Variants in SHROOM1 observed in about 807,000 individuals in gnomAD.
SHROOM1 encodes shroom family member 1, also known as protein Shroom1.
In SHROOM1, 53 loss-of-function variants were observed where a neutral mutation model predicts 64.2. The ratio of observed to expected loss-of-function variants is 0.83; its 90% CI spans 0.66 to 1.04. SHROOM1 has a LOEUF of 1.04. SHROOM1 is among the 50% of genes least tolerant of loss of function. SHROOM1 has a pLI of 0.00. For synonymous variants in SHROOM1, 490 were observed against 518.9 expected, an observed-to-expected ratio of 0.94 and a Z score of 0.76; for missense variants, 1,179 against 1,163.2, an observed-to-expected ratio of 1.01 and a Z score of -0.20.
At position 132,830,248 on chromosome 5, in the gene SHROOM1, G is replaced by T. The variant is rs1303126391; in HGVS notation, c.-501+346C>A. On this transcript the variant is annotated intron_variant, in intron 1 of 9. Transcript: ENST00000378679. This position sits in a 1 kb window ranked among gnomAD's most constrained non-coding sequence, Gnocchi z 5.9. ...AAGGACCCGGCTTCTCCAGATGCTT[G>T]GCGACAAAGGGCAGGAGCGGAGGGT... 1 of 985,222 alleles carries T rather than the reference G, an allele frequency of 1.0e-6. No homozygotes were observed. Among genetic ancestry groups the T allele is most frequent in the Non-Finnish European group, 1.2e-6 (1 of 829,896 alleles). The allele number at this position is 985,222 out of a possible 1,614,324, so 61.0% of individuals were successfully genotyped here.
rs1758805422 is a variant in SHROOM1, at chr5:132,830,200, G to A, written c.-501+394C>T. 1.0e-6 allele frequency: 1 copy of A among 985,212 alleles called. No homozygotes were observed. The highest frequency in any genetic ancestry group is 1.7e-5 in the African/African-American group (1 of 57,224). 61.0% of individuals were successfully genotyped at this position (985,212 alleles called of 1,614,324 possible). ...ACCGTCGGGGAAGGATCGCGCGCAG[G>A]GGACAGCGCGAGCCCGGGAGGGAAG... On this transcript the variant is annotated intron_variant, in intron 1 of 9. Coordinates refer to ENST00000378679, the MANE Select transcript of SHROOM1 (RefSeq NM_001172700.2). The surrounding 1 kb of genome is among the most constrained non-coding windows in gnomAD (Gnocchi z 5.9).
rs970524591 is a variant in SHROOM1, at chr5:132,830,102, C to T, written c.-501+492G>A. The stretch of plus-strand genomic sequence containing the variant: ...AGGCCCCGGCGGCCGCAGGGGGCGG[C>T]AGAGACACGCGGAGCGGCTCGACAG... On this transcript the variant is annotated intron_variant, in intron 1 of 9. Transcript: ENST00000378679. This position sits in a 1 kb window ranked among gnomAD's most constrained non-coding sequence, Gnocchi z 5.9. 3.0e-6 allele frequency: 3 copies of T among 985,166 alleles called. No individual in the cohort carries two copies. The African/African-American group carries it at 5.2e-5, about 17-fold the overall frequency. The allele number at this position is 985,166 out of a possible 1,614,324, so 61.0% of individuals were successfully genotyped here. A position where few individuals can be genotyped will look rare whatever the true frequency, so the allele number is the denominator to read the frequency against.
rs1292586868 is a variant in SHROOM1 at position 132,824,619 on chromosome 5, C to T, written c.1237G>A (p.Ala413Thr). ...TTGGAAGCAAGAGGGAATTACCTGG[C>T]TGGGGGCCCCTGGGAGGCATGGGGG... ...PDPHASQGPP[A>T]SVHASDQPYG... is the part of the protein sequence containing the mutation. Residue 413 changes from alanine to threonine, a missense_variant, in exon 6 of 10, where the codon GCC becomes ACC. Transcript: ENST00000378679. The T allele has an allele frequency of 1.2e-6, 2 of 1,606,214 alleles. No individual in the cohort carries two copies. The highest frequency in any genetic ancestry group is 1.3e-5 in the African/African-American group (1 of 74,772).
rs1490759615 is a variant in SHROOM1, at chr5:132,823,443, G to T, written c.2033C>A (p.Ala678Glu). Reference sequence around the variant, plus strand: ...CAGAGCCGCTTGGCGCCTGGCCCACGCTTGTGCCTCCCCCTGCAGCCGCTC... The same window carrying T: ...CAGAGCCGCTTGGCGCCTGGCCCACTCTTGTGCCTCCCCCTGCAGCCGCTC... ...EQERLQGEAQ[A>E]WARRQAALEA... The change falls in exon 9 of 10, where the codon GCG becomes GAG. Residue 678 changes from alanine (A) to glutamate (E), a missense_variant. Transcript: ENST00000378679. This position sits in a 1 kb window ranked among gnomAD's most constrained non-coding sequence, Gnocchi z 4.6. 6.2e-7 allele frequency: 1 copy of T among 1,611,516 alleles called. No homozygotes were observed. The highest frequency in any genetic ancestry group is 1.7e-5 in the Admixed American group (1 of 59,994).
chr5:132,826,928 A>T (rs934566818), intron 2 of SHROOM1, among the ~76,000 whole-genome samples: 12 of 152,154 alleles, frequency 7.9e-5, no homozygotes, highest in African/African-American at 2.9e-4. Flanking sequence ...AAGGCAGTTT[A>T]CCATCCCTCC....
chr5:132,829,840 C>G lies in SHROOM1; in HGVS notation c.-501+754G>C, dbSNP rs185267043. ...CCCCAGCGTCCCCCGTTCTCCCAGC[C>G]TGTCCGCGCTGACAGCGCACCCCAC... On this transcript the variant is annotated intron_variant, in intron 1 of 9. Coordinates refer to ENST00000378679, the MANE Select transcript of SHROOM1 (RefSeq NM_001172700.2). The G allele has an allele frequency of 6.1e-6, 6 of 985,512 alleles. No homozygotes were observed. The Admixed American group carries it at 1.8e-4, about 30-fold the overall frequency. The allele number at this position is 985,512 out of a possible 1,614,324, so 61.0% of individuals were successfully genotyped here.
In SHROOM1 at chr5:132,822,642, CG is replaced by C. The variant is rs1561446246; in HGVS notation, c.*153del. The C allele has an allele frequency of 1.2e-6, 1 of 855,748 alleles. No homozygotes were observed. Among genetic ancestry groups the C allele is most frequent in the East Asian group, 2.7e-5 (1 of 36,706 alleles). 53.0% of individuals were successfully genotyped at this position (855,748 alleles called of 1,614,324 possible). ...CCTCCCAAAGTGCTGGGATTACAGG[CG>C]TGAGCCACCGCGCCCGGCTGGAGGA... On this transcript the variant is annotated 3_prime_UTR_variant, in exon 10 of 10. Coordinates refer to ENST00000378679, the MANE Select transcript of SHROOM1 (RefSeq NM_001172700.2).
At chr5:132,828,264 G>T (rs1178821045) in intron 1 of SHROOM1, among the ~76,000 whole-genome samples, 1 of 152,142 alleles carries the variant, frequency 6.6e-6, no homozygotes, top group East Asian at 1.9e-4. Flanking sequence ...AAAAGGGAAA[G>T]GCAGTACCTA....
Position 132,823,784 on chromosome 5 carries a change from T to C in SHROOM1, c.1812-20A>G. On this transcript the variant is annotated intron_variant, in intron 7 of 9. Coordinates refer to ENST00000378679, the MANE Select transcript of SHROOM1 (RefSeq NM_001172700.2). This position sits in a 1 kb window ranked among gnomAD's most constrained non-coding sequence, Gnocchi z 4.6. ...TAGGACCTGGGAACAAAACCAGAGC[T>C]CCCTGGGTTTCCTGTCCCCAACTTC... The C allele has an allele frequency of 1.3e-6, 2 of 1,539,050 alleles. No homozygotes were observed. Among genetic ancestry groups the C allele is most frequent in the South Asian group, 1.3e-5 (1 of 79,298 alleles).
In SHROOM1 at chr5:132,825,895, G is replaced by A. The variant is rs772306006; in HGVS notation, c.246C>T (p.Ser82=). The part of the protein sequence containing the change: ...PAPPDAALCT[S]PRPRPAVAAR... ...CTGCAACCGCGGGCCGGGGCCGCGG[G>A]GATGTGCAAAGGGCAGCGTCGGGCG... is the stretch of plus-strand genomic sequence containing the variant. Residue 82 remains serine (S), a synonymous_variant, in exon 4 of 10, where the codon TCC becomes TCT. Coordinates refer to ENST00000378679, the MANE Select transcript of SHROOM1 (RefSeq NM_001172700.2). The surrounding 1 kb of genome is among the most constrained non-coding windows in gnomAD (Gnocchi z 5.1). 28 of 1,315,272 alleles carry A rather than the reference G, an allele frequency of 2.1e-5. No individual in the cohort carries two copies. In the South Asian group the frequency reaches 3.5e-4, roughly 17 times the overall value. 81.5% of individuals were successfully genotyped at this position (1,315,272 alleles called of 1,614,324 possible).
intron 6 of SHROOM1, 44 bp downstream of exon 6, chr5:132,824,571 T>A: frequency 1.3e-6 from 2 of 1,571,714 alleles, no homozygotes; most frequent in Non-Finnish European, 1.7e-6. Flanking sequence ...TAGATGTGTG[T>A]GTCAGGGGGT....
chr5:132,823,216 C>T lies in SHROOM1; in HGVS notation c.2226+34G>A, dbSNP rs892302058. ...CAGCCGGAGACAGCAGGCCCCTCAC[C>T]GCCCTACTCGCTTGCAACCTGAACC... On this transcript the variant is annotated intron_variant, in intron 9 of 9. Coordinates refer to ENST00000378679, the MANE Select transcript of SHROOM1 (RefSeq NM_001172700.2). The surrounding 1 kb of genome is among the most constrained non-coding windows in gnomAD (Gnocchi z 4.6). 6.4e-7 allele frequency: 1 copy of T among 1,568,440 alleles called. No individual in the cohort carries two copies. The highest frequency in any genetic ancestry group is 2.2e-5 in the East Asian group (1 of 44,504).
At position 132,825,740 on chromosome 5, in the gene SHROOM1, G is replaced by A. The variant is rs1382080221; in HGVS notation, c.401C>T (p.Pro134Leu). 4 of 1,265,490 alleles carry A rather than the reference G, an allele frequency of 3.2e-6. No individual in the cohort carries two copies. The highest frequency in any genetic ancestry group is 4.0e-6 in the Non-Finnish European group (4 of 1,011,170). 78.4% of individuals were successfully genotyped at this position (1,265,490 alleles called of 1,614,324 possible). ...AAAQAAEPPS[P>L]PASRAAYRQR... ...GCGGTAGGCGGCCCTCGAGGCCGGC[G>A]GGCTGGGCGGCTCGGCAGCCTGCGC... Residue 134 changes from proline to leucine, a missense_variant, in exon 4 of 10, where the codon CCG becomes CTG. Coordinates refer to ENST00000378679, the MANE Select transcript of SHROOM1 (RefSeq NM_001172700.2). This position sits in a 1 kb window ranked among gnomAD's most constrained non-coding sequence, Gnocchi z 5.1.
rs1758529048 is a variant in SHROOM1, at chr5:132,823,470, T to C, written c.2006A>G (p.Gln669Arg). 2 of 1,612,026 alleles carry C rather than the reference T, an allele frequency of 1.2e-6. No individual in the cohort carries two copies. Among genetic ancestry groups the C allele is most frequent in the Admixed American group, 1.7e-5 (1 of 59,986 alleles). The part of the protein sequence containing the change: ...QKMLQDLHTE[Q>R]ERLQGEAQAW... Reference sequence around the variant, plus strand: ...TTGTGCCTCCCCCTGCAGCCGCTCCTGCTCCGTGTGAAGGTCCTGAAGCAT... The same window carrying C: ...TTGTGCCTCCCCCTGCAGCCGCTCCCGCTCCGTGTGAAGGTCCTGAAGCAT... The change falls in exon 9 of 10, where the codon CAG (glutamine) becomes CGG (arginine). Residue 669 changes from glutamine to arginine, a missense_variant. Gln to Arg is a conservative substitution (Grantham distance 43). Transcript: ENST00000378679. This position sits in a 1 kb window ranked among gnomAD's most constrained non-coding sequence, Gnocchi z 4.6.
rs1581226335 is a variant in SHROOM1, at chr5:132,822,745, C to T, written c.*51G>A. Reference sequence around the variant, plus strand: ...CAGAGACTAAATCAGCATCACCCCACTTACGTGGGTGAGAGATAGGGGCGG... The same window carrying T: ...CAGAGACTAAATCAGCATCACCCCATTTACGTGGGTGAGAGATAGGGGCGG... On this transcript the variant is annotated 3_prime_UTR_variant, in exon 10 of 10. Coordinates refer to ENST00000378679, the MANE Select transcript of SHROOM1 (RefSeq NM_001172700.2). 5.3e-6 allele frequency: 8 copies of T among 1,503,622 alleles called. No homozygotes were observed. In the East Asian group the frequency reaches 1.5e-4, roughly 28 times the overall value. 93.1% of individuals were successfully genotyped at this position (1,503,622 alleles called of 1,614,324 possible).
rs746353213 is a variant in SHROOM1, at chr5:132,825,189, A to T, written c.952T>A (p.Ser318Thr). Residue 318 changes from serine to threonine, a missense_variant, in exon 4 of 10, where the codon TCA (serine) becomes ACA (threonine). Physicochemically the swap from Ser to Thr is moderately conservative, Grantham distance 58 (BLOSUM62 1). Transcript: ENST00000378679. This position sits in a 1 kb window ranked among gnomAD's most constrained non-coding sequence, Gnocchi z 5.1. ...TGGACAATGGGTATGGTCCCTCCTG[A>T]TCCTCCCCAGGAACCCAAGACTTCG... Reference protein sequence around the residue: ...SGEVLGSWGGSGGTIPIVQAV... With the variant: ...SGEVLGSWGGTGGTIPIVQAV... The T allele has an allele frequency of 3.1e-6, 5 of 1,613,902 alleles. No individual in the cohort carries two copies. Among genetic ancestry groups the T allele is most frequent in the Non-Finnish European group, 4.2e-6 (5 of 1,179,956 alleles).
chr5:132,830,221 G>A lies in SHROOM1; in HGVS notation c.-501+373C>T. On this transcript the variant is annotated intron_variant, in intron 1 of 9. Transcript: ENST00000378679. This position sits in a 1 kb window ranked among gnomAD's most constrained non-coding sequence, Gnocchi z 5.9. ...GCAGGGGACAGCGCGAGCCCGGGAG[G>A]GAAGGACCCGGCTTCTCCAGATGCT... 4 of 985,340 alleles carry A rather than the reference G, an allele frequency of 4.1e-6. No homozygotes were observed. Among genetic ancestry groups the A allele is most frequent in the Non-Finnish European group, 3.6e-6 (3 of 829,890 alleles). The allele number at this position is 985,340 out of a possible 1,614,324, so 61.0% of individuals were successfully genotyped here.
intron 2 of SHROOM1, among the ~76,000 whole-genome samples, 198 bp downstream of exon 2, chr5:132,827,263 C>T (rs1244529048): frequency 6.6e-6 from 1 of 152,192 alleles, no homozygotes; most frequent in Non-Finnish European, 1.5e-5. Flanking sequence ...GAGAATGGGC[C>T]CTGCTCTTCC....
rs1417997586 is a variant in SHROOM1, at chr5:132,826,308, G to C, written c.-74C>G. ...CCTCCCTGGTCACACCGTCACAAGCGCTGGCATCCCCCAGATTTTGGCAGA... is the reference window on the plus strand; with the variant it reads ...CCTCCCTGGTCACACCGTCACAAGCCCTGGCATCCCCCAGATTTTGGCAGA... On this transcript the variant is annotated 5_prime_UTR_variant, in exon 3 of 10. Transcript: ENST00000378679. The C allele has an allele frequency of 7.3e-6, 9 of 1,238,466 alleles. No homozygotes were observed. The highest frequency in any genetic ancestry group is 9.1e-6 in the Non-Finnish European group (9 of 991,766). The allele number at this position is 1,238,466 out of a possible 1,614,324, so 76.7% of individuals were successfully genotyped here.
Sources: gnomAD v4.1 joint callset for allele counts (sites outside exome capture counted in the v4.1 genomes callset) on GRCh38, gnomAD v4.1.1 for gene constraint, Gnocchi (gnomAD v3.1) non-coding constraint, MANE v1.5 for transcripts, NCBI Gene and HGNC (gene_info 2026-07-23, HGNC 2026-07-21) for gene names.